SRGAP1: variants seen among roughly 807,000 people sequenced by gnomAD.
The protein encoded by SRGAP1 is SLIT-ROBO Rho GTPase activating protein 1, also known as SLIT-ROBO Rho GTPase-activating protein 1.
Under a neutral mutation model 121.9 loss-of-function variants are expected in SRGAP1, and 43 were observed. That is an observed-to-expected ratio of 0.35 (90% CI 0.28 to 0.46). The LOEUF is 0.46. SRGAP1 is among the 20% of genes least tolerant of loss of function. The pLI is 1.00. For missense variants in SRGAP1, 1,102 were observed against 1,350.9 expected, an observed-to-expected ratio of 0.82 and a Z score of 2.89; for synonymous variants, 447 against 485.4, an observed-to-expected ratio of 0.92 and a Z score of 1.04.
chr12:64,100,788 A>AT (rs1191260666), intron 15 of SRGAP1, among the ~76,000 whole-genome samples: 4 of 151,982 alleles, frequency 2.6e-5, no homozygotes, highest in Non-Finnish European at 5.9e-5. Context: ...CTAAGCAAGC[A>AT]TTTTTTTCTT....
chr12:64,003,205 G>T (rs2033962082), intron 3 of SRGAP1, among the ~76,000 whole-genome samples: 1 of 152,002 alleles, frequency 6.6e-6, no homozygotes, highest in Non-Finnish European at 1.5e-5. Flanking sequence ...TCCCACCTCA[G>T]CCTCCCAAGT....
At chr12:63,934,528 C>T (rs975486259) in intron 1 of SRGAP1, among the ~76,000 whole-genome samples, 1 of 152,162 alleles carries the variant, frequency 6.6e-6, no homozygotes, top group African/African-American at 2.4e-5. Context: ...TTGCTATATG[C>T]ACAACCCACT....
chr12:64,095,971 A>AT (rs2036147770), intron 14 of SRGAP1, among the ~76,000 whole-genome samples: 1 of 152,144 alleles, frequency 6.6e-6, no homozygotes, highest in Non-Finnish European at 1.5e-5. Flanking sequence ...TCAGCCACTA[A>AT]TCAATCATGT....
In SRGAP1 at chr12:63,911,595, T is replaced by C. The variant is rs74099361; in HGVS notation, c.67+66712T>C. Among the ~76,000 whole-genome samples the C allele has an allele frequency of 2.2e-3, 335 of 152,340 alleles. 3 individuals carry two copies. Among genetic ancestry groups the C allele is most frequent in the African/African-American group, 7.6e-3 (317 of 41,588 alleles). On this transcript the variant is annotated intron_variant, in intron 1 of 21. Transcript: ENST00000355086. ...TAACATTCCTGACCCAGAATTACTGTATCCCCTTGCTAAGTCTTCTGTGTG... is the reference window on the plus strand; with the variant it reads ...TAACATTCCTGACCCAGAATTACTGCATCCCCTTGCTAAGTCTTCTGTGTG...
chr12:63,855,518 C>T (rs143031152), intron 1 of SRGAP1, among the ~76,000 whole-genome samples: 2 of 108,960 alleles, frequency 1.8e-5, no homozygotes, highest in Admixed American at 1.4e-4. Context: ...GGGAGAGTCT[C>T]ACTCTATCAG....
intron 3 of SRGAP1, among the ~76,000 whole-genome samples, chr12:63,995,724 A>G (rs1353314329): frequency 1.3e-5 from 2 of 152,206 alleles, no homozygotes; most frequent in African/African-American, 4.8e-5. Flanking sequence ...ATAGGTTGTC[A>G]GAGTCAGACT....
intron 8 of SRGAP1, among the ~76,000 whole-genome samples, chr12:64,076,994 G>T (rs1359765024): frequency 1.3e-5 from 2 of 152,070 alleles, no homozygotes; most frequent in African/African-American, 2.4e-5. Flanking sequence ...GATAAAAGCT[G>T]CAAACTTACT....
intron 21 of SRGAP1, among the ~76,000 whole-genome samples, chr12:64,140,227 T>C (rs1448858915): frequency 6.8e-6 from 1 of 146,398 alleles, no homozygotes; most frequent in Admixed American, 6.8e-5. Flanking sequence ...TGATGCGGGC[T>C]CTTTTTTGGT....
intron 1 of SRGAP1, among the ~76,000 whole-genome samples, chr12:63,964,432 T>C (rs952169045): frequency 6.6e-6 from 1 of 152,200 alleles, no homozygotes; most frequent in South Asian, 2.1e-4. Flanking sequence ...GTATTTATTA[T>C]ACCTGTTTTA....
chr12:64,058,122 ACT>A (rs1452252493), intron 6 of SRGAP1, among the ~76,000 whole-genome samples: 1 of 152,138 alleles, frequency 6.6e-6, no homozygotes. Flanking sequence ...ATTTCAGCCA[ACT>A]CTCAGCATTT....
chr12:63,878,432 G>A (rs112499634), intron 1 of SRGAP1, among the ~76,000 whole-genome samples: 2,341 of 152,220 alleles, frequency 0.015, 25 homozygotes, highest in African/African-American at 0.019. Flanking sequence ...GAGTATGTTC[G>A]CATCTTTTTA....
intron 1 of SRGAP1, among the ~76,000 whole-genome samples, chr12:63,964,695 G>A (rs12227635): frequency 0.019 from 2,954 of 152,294 alleles, 76 homozygotes; most frequent in East Asian, 0.12. Flanking sequence ...TGGCTTGAGA[G>A]TGTGTTCATT....
chr12:63,913,135 C>G (rs2030585087), intron 1 of SRGAP1, among the ~76,000 whole-genome samples: 1 of 150,790 alleles, frequency 6.6e-6, no homozygotes, highest in South Asian at 2.1e-4. Context: ...TTTTATTCCT[C>G]CTACCTGGAA....
intron 18 of SRGAP1, chr12:64,116,116 G>A: frequency 2.1e-6 from 1 of 468,226 alleles, no homozygotes; most frequent in Non-Finnish European, 3.9e-6. Context: ...AATTAGCCAG[G>A]CGTGGTGATG....
chr12:63,967,604 G>A (rs966230715), intron 1 of SRGAP1, among the ~76,000 whole-genome samples: 2 of 152,198 alleles, frequency 1.3e-5, no homozygotes, highest in Admixed American at 1.3e-4. Context: ...TGGGAGATGG[G>A]ACATTCTGGG....
intron 12 of SRGAP1, among the ~76,000 whole-genome samples, chr12:64,094,616 C>T (rs150628690): frequency 1.3e-3 from 192 of 152,184 alleles, no homozygotes; most frequent in African/African-American, 4.3e-3. Flanking sequence ...ACTGAAGATG[C>T]TATGATTATA....
chr12:64,134,302 T>G (rs1020749382), intron 21 of SRGAP1, among the ~76,000 whole-genome samples: 2 of 151,788 alleles, frequency 1.3e-5, no homozygotes, highest in Middle Eastern at 3.2e-3. Flanking sequence ...GTGCCTGTAG[T>G]CCCAGCTACT....
intron 6 of SRGAP1, among the ~76,000 whole-genome samples, chr12:64,062,329 G>A (rs1340531884): frequency 1.3e-5 from 2 of 152,100 alleles, no homozygotes; most frequent in Admixed American, 6.5e-5. Context: ...TTGACCATTT[G>A]TATGTCGTCT....
intron 1 of SRGAP1, among the ~76,000 whole-genome samples, chr12:63,970,935 A>C (rs914308509): frequency 1.7e-4 from 26 of 152,224 alleles, no homozygotes; most frequent in African/African-American, 5.3e-4. Context: ...GAGCTGAATC[A>C]AGATAGCATC....
Sources: allele counts gnomAD v4.1 joint callset (sites outside exome capture counted in the v4.1 genomes callset), GRCh38; gene constraint gnomAD v4.1.1; transcripts MANE v1.5; gene names NCBI Gene and HGNC (gene_info 2026-07-23, HGNC 2026-07-21).